The following OSBPL7 variants were observed in gnomAD, a reference collection of about 807,000 sequenced individuals.
OSBPL7 encodes the protein oxysterol-binding protein-related protein 7.
Under a neutral mutation model 115.8 loss-of-function variants are expected in OSBPL7, and 66 were observed. The observed-to-expected ratio is 0.57, with a 90% CI of 0.47 to 0.70. The LOEUF is 0.70. Among genes scored for constraint, OSBPL7 ranks in the 30% least tolerant of loss-of-function variants. The pLI is 0.00. For synonymous variants in OSBPL7, 441 were observed against 439.2 expected (o/e 1.00, Z -0.05); for missense variants, 902 against 1,125.5 (o/e 0.80, Z 2.84).
rs1304644610 is a variant in OSBPL7, at chr17:47,815,345, G to T, written c.1127C>A (p.Ala376Asp). 1 of 1,613,638 alleles carries T rather than the reference G, an allele frequency of 6.2e-7. No homozygotes were observed. Among genetic ancestry groups the T allele is most frequent in the Non-Finnish European group, 8.5e-7 (1 of 1,179,882 alleles). Residue 376 changes from alanine to aspartate, a missense_variant, in exon 13 of 23, where the codon GCT (alanine) becomes GAT (aspartate). By Grantham distance (126) the Ala-to-Asp change is moderately radical. Transcript: ENST00000007414. ...FSSLNPEEQE[A>D]LYMKGRELTP... ...GAGCTCGCGCCCCTTCATGTACAGA[G>T]CTTCTTGCTGTGGGAGCAGCCAGAT...
rs77833527 is a variant in OSBPL7 at position 47,811,784 on chromosome 17, T to A, written c.1738-949A>T. ...ACTCCTCCTCCTTCTGCACCTTCAG[T>A]CTTTCCCTCTTTATTTCTCTTTCTC... On this transcript the variant is annotated intron_variant, in intron 16 of 22. Coordinates refer to ENST00000007414, the MANE Select transcript of OSBPL7 (RefSeq NM_145798.3). Among the ~76,000 whole-genome samples the A allele has an allele frequency of 3.4e-3, 519 of 152,346 alleles. 4 individuals carry two copies. The highest frequency in any genetic ancestry group is 0.012 in the African/African-American group (493 of 41,582).
Position 47,816,261 on chromosome 17 carries a change from G to C in OSBPL7, c.1024-59C>G, listed in dbSNP as rs775709365. The C allele has an allele frequency of 1.3e-6, 2 of 1,513,018 alleles. No homozygotes were observed. The highest frequency in any genetic ancestry group is 1.2e-5 in the South Asian group (1 of 81,910). The allele number at this position is 1,513,018 out of a possible 1,614,324, so 93.7% of individuals were successfully genotyped here. A position where few individuals can be genotyped will look rare whatever the true frequency, so the allele number is the denominator to read the frequency against. On this transcript the variant is annotated intron_variant, in intron 11 of 22. Transcript: ENST00000007414. This position sits in a 1 kb window ranked among gnomAD's most constrained non-coding sequence, Gnocchi z 5.8. ...AGGATGAGGTCCTCCCCACCTTGCCGCATCTCTGCAGAGACTGCCTCTGCC... is the reference window on the plus strand; with the variant it reads ...AGGATGAGGTCCTCCCCACCTTGCCCCATCTCTGCAGAGACTGCCTCTGCC...
Position 47,809,179 on chromosome 17 carries a change from A to G in OSBPL7, c.2067T>C (p.Ala689=). 1 of 1,614,166 alleles carries G rather than the reference A, an allele frequency of 6.2e-7. No individual in the cohort carries two copies. Among genetic ancestry groups the G allele is most frequent in the Non-Finnish European group, 8.5e-7 (1 of 1,180,026 alleles). Residue 689 remains alanine, a synonymous_variant, in exon 20 of 23, where the codon GCT becomes GCC. Coordinates refer to ENST00000007414, the MANE Select transcript of OSBPL7 (RefSeq NM_145798.3). ...GGACACGGCCACTCCGACTGAGCAC[A>G]GCGCCCTGCACCTCGTGGACATTGG... ...WSSNVHEVQG[A]VLSRSGRVLH... is the part of the protein sequence containing the mutation.
chr17:47,808,819 G>C lies in OSBPL7; in HGVS notation c.2297+45C>G. The C allele has an allele frequency of 1.2e-6, 2 of 1,610,960 alleles. No individual in the cohort carries two copies. The highest frequency in any genetic ancestry group is 1.1e-5 in the South Asian group (1 of 90,996). ...AGCCCCAGCTCTGTACTCTGTGGAG[G>C]GAGTGAACTAGATGGTTCTAGGCCG... On this transcript the variant is annotated intron_variant, in intron 21 of 22. Transcript: ENST00000007414. This position sits in a 1 kb window ranked among gnomAD's most constrained non-coding sequence, Gnocchi z 6.1.
chr17:47,808,495 G>C lies in OSBPL7; in HGVS notation c.2420+43C>G. The C allele has an allele frequency of 1.9e-5, 31 of 1,614,068 alleles. No individual in the cohort carries two copies. The highest frequency in any genetic ancestry group is 2.6e-5 in the Non-Finnish European group (31 of 1,179,938). ...TCCCACACCTGCCCTGCTCCAAGCA[G>C]GGCTCATGGGGAGACCCAGGGCGGA... On this transcript the variant is annotated intron_variant, in intron 22 of 22. Coordinates refer to ENST00000007414, the MANE Select transcript of OSBPL7 (RefSeq NM_145798.3). The surrounding 1 kb of genome is among the most constrained non-coding windows in gnomAD (Gnocchi z 6.1).
At chr17:47,819,535 TG>T in intron 4 of OSBPL7, 193 bp downstream of exon 4, 1 of 664,120 alleles carries the variant, frequency 1.5e-6, no homozygotes, top group Non-Finnish European at 2.6e-6. Flanking sequence ...GCTCTGCACC[TG>T]GGGGATGGTG....
At chr17:47,810,394 A>G (rs2033002151) in intron 18 of OSBPL7, among the ~76,000 whole-genome samples, 200 bp downstream of exon 18, 1 of 152,190 alleles carries the variant, frequency 6.6e-6, no homozygotes, top group Non-Finnish European at 1.5e-5. Flanking sequence ...CAGCTCTACT[A>G]CGTTCCAAGG....
rs2032891977 is a variant in OSBPL7, at chr17:47,807,396, T to G, written c.*895A>C. On this transcript the variant is annotated 3_prime_UTR_variant, in exon 23 of 23. Transcript: ENST00000007414. Reference sequence around the variant, plus strand: ...GTCTGGGACAGTCTTTATTGGAGCTTGGAATGTCATAGCAATTCGCCCTCA... The same window carrying G: ...GTCTGGGACAGTCTTTATTGGAGCTGGGAATGTCATAGCAATTCGCCCTCA... The G allele has an allele frequency of 1.3e-5, 2 of 152,598 alleles. No individual in the cohort carries two copies. Among genetic ancestry groups the G allele is most frequent in the Non-Finnish European group, 2.9e-5 (2 of 68,024 alleles). The allele number at this position is 152,598 out of a possible 1,614,324, so 9.5% of individuals were successfully genotyped here.
rs1166019450 is a variant in OSBPL7, at chr17:47,818,614, G to T, written c.372C>A (p.Ile124=). 1 of 1,612,166 alleles carries T rather than the reference G, an allele frequency of 6.2e-7. No individual in the cohort carries two copies. The highest frequency in any genetic ancestry group is 2.2e-5 in the East Asian group (1 of 44,880). ...DTEDNIYHLK[I]KSQDLFQSWV... ...AGCTCTGGAATAGGTCCTGGGATTT[G>T]ATCTGCAGAAGTGATGGAGAGGGGG... Residue 124 remains isoleucine, a splice_region_variant and synonymous_variant, in exon 6 of 23, where the codon ATC becomes ATA. Coordinates refer to ENST00000007414, the MANE Select transcript of OSBPL7 (RefSeq NM_145798.3).
Position 47,808,885 on chromosome 17 carries a change from G to T in OSBPL7, c.2276C>A (p.Thr759Lys), listed in dbSNP as rs749157683. The change falls in exon 21 of 23, where the codon ACG becomes AAG. Residue 759 changes from threonine to lysine, a missense_variant. Thr to Lys is a moderately conservative substitution (Grantham distance 78). Coordinates refer to ENST00000007414, the MANE Select transcript of OSBPL7 (RefSeq NM_145798.3). The surrounding 1 kb of genome is among the most constrained non-coding windows in gnomAD (Gnocchi z 6.1). The stretch of plus-strand genomic sequence containing the variant: ...TGACCTCTGGTCTGGCCGGAGTCTC[G>T]TGTCGGTGGAAGGCAGCGACCGTTT... The part of the protein sequence containing the change: ...ELKRSLPSTD[T>K]RLRPDQRYLE... 1 of 1,614,218 alleles carries T rather than the reference G, an allele frequency of 6.2e-7. No individual in the cohort carries two copies. The highest frequency in any genetic ancestry group is 8.5e-7 in the Non-Finnish European group (1 of 1,180,032).
At chr17:47,813,532 A>G (rs55928544) in intron 15 of OSBPL7, 55 bp downstream of exon 15, 579,463 of 1,586,840 alleles carry the variant, frequency 0.37, 112,264 homozygotes, top group Non-Finnish European at 0.4. Context: ...GGGAGAAAAG[A>G]TCCCAGGGAG....
chr17:47,819,918 C>CCAA, intron 3 of OSBPL7, 53 bp downstream of exon 3: 26 of 1,517,024 alleles, frequency 1.7e-5, no homozygotes, highest in Non-Finnish European at 2.3e-5. Flanking sequence ...AGCTGCCCCC[C>CCAA]ATTCCCACCC....
At chr17:47,817,788 G>C (rs1293316015) in intron 7 of OSBPL7, among the ~76,000 whole-genome samples, 2 of 152,138 alleles carry the variant, frequency 1.3e-5, no homozygotes, top group African/African-American at 4.8e-5. Context: ...TGTTGGTGTG[G>C]TGCCCCCTGG....
chr17:47,808,906 C>T lies in OSBPL7; in HGVS notation c.2255G>A (p.Arg752Gln), dbSNP rs760202372. 17 of 1,614,082 alleles carry T rather than the reference C, an allele frequency of 1.1e-5. No homozygotes were observed. Among genetic ancestry groups the T allele is most frequent in the Admixed American group, 8.3e-5 (5 of 60,008 alleles). Residue 752 changes from arginine to glutamine, a missense_variant, in exon 21 of 23, where the codon CGG becomes CAG. By Grantham distance (43) the Arg-to-Gln change is conservative (BLOSUM62 1). This residue lies in a region of OSBPL7 where 230 missense variants were observed against 312.7 expected (regional missense o/e 0.74). Coordinates refer to ENST00000007414, the MANE Select transcript of OSBPL7 (RefSeq NM_145798.3). The surrounding 1 kb of genome is among the most constrained non-coding windows in gnomAD (Gnocchi z 6.1). ...TCTCGTGTCGGTGGAAGGCAGCGAC[C>T]GTTTCAGCTCTGCTGTCAGCTCATT... ...ELNELTAELK[R>Q]SLPSTDTRLR... is the part of the protein sequence containing the mutation.
At chr17:47,815,165 C>G in intron 13 of OSBPL7, 50 bp downstream of exon 13, 1 of 1,574,644 alleles carries the variant, frequency 6.4e-7, no homozygotes, top group Non-Finnish European at 8.7e-7. Flanking sequence ...CCCTTCTGTT[C>G]CCAAGGTCCC....
Position 47,819,091 on chromosome 17 carries a change from C to T in OSBPL7, c.264G>A (p.Lys88=). 6.2e-7 allele frequency: 1 copy of T among 1,613,922 alleles called. No individual in the cohort carries two copies. ...HYATTRQDIT[K]GKLHGSIDVR... The stretch of plus-strand genomic sequence containing the variant: ...CATCGATGGAGCCATGGAGCTTCCC[C>T]TTGGTGATCTGGGGGTGAAGTGTTG... Residue 88 remains lysine (K), a synonymous_variant, in exon 5 of 23, where the codon AAG becomes AAA. Coordinates refer to ENST00000007414, the MANE Select transcript of OSBPL7 (RefSeq NM_145798.3).
chr17:47,810,759 C>T lies in OSBPL7; in HGVS notation c.1801+13G>A. ...TGCCCAGGGCCACCCCGGCCCTGCCCTCTACTCCTCACCTTGCCAGAAGGC... is the reference window on the plus strand; with the variant it reads ...TGCCCAGGGCCACCCCGGCCCTGCCTTCTACTCCTCACCTTGCCAGAAGGC... On this transcript the variant is annotated intron_variant, in intron 17 of 22. Transcript: ENST00000007414. 6.2e-7 allele frequency: 1 copy of T among 1,614,012 alleles called. No homozygotes were observed. Among genetic ancestry groups the T allele is most frequent in the South Asian group, 1.1e-5 (1 of 91,036 alleles).
chr17:47,818,301 C>T lies in OSBPL7; in HGVS notation c.566G>A (p.Arg189Lys), dbSNP rs893314020. The change falls in exon 7 of 23, where the codon AGG (arginine) becomes AAG (lysine). Residue 189 changes from arginine (R) to lysine (K), a missense_variant. Physicochemically the swap from Arg to Lys is conservative, Grantham distance 26. This residue lies in a region of OSBPL7 where 667 missense variants were observed against 788.7 expected (regional missense o/e 0.85). Coordinates refer to ENST00000007414, the MANE Select transcript of OSBPL7 (RefSeq NM_145798.3). ...GPREKVSSWL[R>K]DSDGLDRCSH... The stretch of plus-strand genomic sequence containing the variant: ...GCAGCGGTCCAGCCCATCACTGTCC[C>T]TCAGCCAGGAAGACACTTTCTCCCG... The T allele has an allele frequency of 1.2e-6, 2 of 1,614,138 alleles. No individual in the cohort carries two copies. Among genetic ancestry groups the T allele is most frequent in the Non-Finnish European group, 1.7e-6 (2 of 1,180,010 alleles).
chr17:47,809,141 A>C lies in OSBPL7; in HGVS notation c.2105T>G (p.Phe702Cys), dbSNP rs1255616931. The change falls in exon 20 of 23, where the codon TTT becomes TGT. Residue 702 changes from phenylalanine to cysteine, a missense_variant. This residue lies in a region of OSBPL7 where 230 missense variants were observed against 312.7 expected (regional missense o/e 0.74). Coordinates refer to ENST00000007414, the MANE Select transcript of OSBPL7 (RefSeq NM_145798.3). ...SRSGRVLHRL[F>C]GKWHEGLYRG... is the part of the protein sequence containing the mutation. ...GTACAGCCCCTCGTGCCACTTCCCA[A>C]AGAGTCGGTGGAGGACACGGCCACT... The C allele has an allele frequency of 3.1e-6, 5 of 1,613,978 alleles. No homozygotes were observed. The highest frequency in any genetic ancestry group is 4.2e-6 in the Non-Finnish European group (5 of 1,180,006).
Sources: gnomAD v4.1 joint callset for allele counts (sites outside exome capture counted in the v4.1 genomes callset) on GRCh38, gnomAD v4.1.1 for gene constraint, gnomAD v4.1.1 regional missense constraint, Gnocchi (gnomAD v3.1) non-coding constraint, MANE v1.5 for transcripts, NCBI Gene and HGNC (gene_info 2026-07-23, HGNC 2026-07-21) for gene names.